Variants in SGCD observed in about 807,000 individuals in gnomAD.
SGCD encodes the protein delta-sarcoglycan.
SGCD carries 18 observed loss-of-function variants against 36.6 expected under a neutral mutation model. That is an observed-to-expected ratio of 0.49 (90% confidence interval 0.34 to 0.73). SGCD has a LOEUF of 0.73. Among genes scored for constraint, SGCD ranks in the 30% least tolerant of loss-of-function variants. The probability of loss-of-function intolerance (pLI) is 0.01; values close to 1 mark genes in which losing one functional copy is unlikely to be tolerated. For missense variants in SGCD, 387 were observed against 346.7 expected, an observed-to-expected ratio of 1.12 and a Z score of -0.92; for synonymous variants, 133 against 130.6, an observed-to-expected ratio of 1.02 and a Z score of -0.12.
chr5:156,528,842 C>G (rs949958428), intron 4 of SGCD, among the ~76,000 whole-genome samples: 2 of 152,126 alleles, frequency 1.3e-5, no homozygotes, highest in Non-Finnish European at 2.9e-5. Context: ...CATTTCCAGT[C>G]CTTCAAAGCT....
At chr5:156,065,375 A>T (rs1221602234) in intron 1 of SGCD, among the ~76,000 whole-genome samples, 19 of 122,908 alleles carry the variant, frequency 1.5e-4, no homozygotes, top group Non-Finnish European at 2.3e-4. Flanking sequence ...CAATTTTGGA[A>T]TAGGTGTGGT....
intron 3 of SGCD, among the ~76,000 whole-genome samples, chr5:156,241,878 G>C (rs1291918254): frequency 6.6e-6 from 1 of 152,108 alleles, no homozygotes; most frequent in African/African-American, 2.4e-5. Flanking sequence ...AAATCTAGTA[G>C]GTAGGACAGA....
the SGCD span, among the ~76,000 whole-genome samples, chr5:155,815,724 A>T: frequency 6.6e-6 from 1 of 152,264 alleles, no homozygotes; most frequent in African/African-American, 2.4e-5. Flanking sequence ...AGGTCTCATG[A>T]GAACTCACTC....
intron 3 of SGCD, among the ~76,000 whole-genome samples, chr5:156,146,033 GA>G (rs1205490709): frequency 4.6e-5 from 7 of 152,078 alleles, no homozygotes; most frequent in Admixed American, 2.6e-4. Context: ...CTAACATGGT[GA>G]AACCCCGTCA....
the SGCD span, among the ~76,000 whole-genome samples, chr5:155,811,550 A>C: frequency 1.3e-5 from 2 of 152,174 alleles, no homozygotes; most frequent in African/African-American, 4.8e-5. Flanking sequence ...GCATCCTCAG[A>C]ACACGAAAAA....
intron 3 of SGCD, among the ~76,000 whole-genome samples, chr5:156,271,272 C>T (rs992704552): frequency 6.6e-6 from 1 of 152,080 alleles, no homozygotes; most frequent in Non-Finnish European, 1.5e-5. Context: ...ATCTTAGATT[C>T]CATGGTCTTT....
chr5:156,074,303 G>C (rs190321547), intron 1 of SGCD, among the ~76,000 whole-genome samples: 218 of 152,184 alleles, frequency 1.4e-3, no homozygotes, highest in Non-Finnish European at 2.5e-3. Context: ...GGGTCAGATT[G>C]AAGGGAGCTG....
intron 3 of SGCD, among the ~76,000 whole-genome samples, chr5:156,293,990 T>C (rs1056366563): frequency 2.0e-5 from 3 of 152,194 alleles, no homozygotes; most frequent in African/African-American, 2.4e-5. Flanking sequence ...CATTTATTTA[T>C]GTCTTTTTAA....
At chr5:155,764,260 A>G in the SGCD span, among the ~76,000 whole-genome samples, 1 of 152,204 alleles carries the variant, frequency 6.6e-6, no homozygotes, top group East Asian at 1.9e-4. Flanking sequence ...AGGCCACTTT[A>G]AATAGCATAG....
chr5:156,070,053 A>G (rs1245110698), intron 1 of SGCD, among the ~76,000 whole-genome samples: 2 of 151,598 alleles, frequency 1.3e-5, no homozygotes, highest in Non-Finnish European at 2.9e-5. Flanking sequence ...GGTTTTCTAG[A>G]TATACAATCA....
chr5:155,968,800 G>A (rs537488208), intron 1 of SGCD, among the ~76,000 whole-genome samples: 13 of 152,012 alleles, frequency 8.6e-5, no homozygotes, highest in African/African-American at 2.4e-4. Flanking sequence ...TGTAGTCCCT[G>A]CTCTATAAAC....
At chr5:155,950,310 AAT>A (rs1196543753) in intron 1 of SGCD, among the ~76,000 whole-genome samples, 80 of 152,270 alleles carry the variant, frequency 5.3e-4, no homozygotes, top group African/African-American at 1.9e-3. Context: ...CTAGCCTAGA[AAT>A]AGTCAAGAGA....
At chr5:156,171,559 C>T (rs556524393) in intron 3 of SGCD, among the ~76,000 whole-genome samples, 3 of 152,196 alleles carry the variant, frequency 2.0e-5, no homozygotes, top group African/African-American at 4.8e-5. Context: ...CACATTGTTA[C>T]GGTAACATTT....
At chr5:156,339,696 A>G (rs758997946) in intron 2 of SGCD, among the ~76,000 whole-genome samples, 1 of 152,238 alleles carries the variant, frequency 6.6e-6, no homozygotes, top group Non-Finnish European at 1.5e-5. Flanking sequence ...CTAAAAGTAC[A>G]TACCATAACT....
At chr5:155,830,777 A>G in the SGCD span, among the ~76,000 whole-genome samples, 2 of 152,256 alleles carry the variant, frequency 1.3e-5, no homozygotes, top group African/African-American at 2.4e-5. Flanking sequence ...GTGGGAAGGC[A>G]TAGAGATTTC....
At position 156,406,018 on chromosome 5, in the gene SGCD, T is replaced by TAAAAAAAAAAAAAAAAAA. The variant is rs10529406; in HGVS notation, c.192+61357_192+61358insAAAAAAAAAAAAAAAAAA. 3.5e-4 allele frequency among the ~76,000 whole-genome samples: 36 copies of TAAAAAAAAAAAAAAAAAA among 103,954 alleles called. 2 individuals carry two copies. The highest frequency in any genetic ancestry group is 1.3e-3 in the African/African-American group (33 of 24,448). 68.2% of individuals were successfully genotyped at this position (103,954 alleles called of 152,430 possible). A position where few individuals can be genotyped will look rare whatever the true frequency, so the allele number is the denominator to read the frequency against. ...TGCTGTATTTGGCCCTATCTTTGCT[T>TAAAAAAAAAAAAAAAAAA]AAAAAAAAAAAAAAAAGGCCTCTGG... On this transcript the variant is annotated intron_variant, in intron 3 of 8. Coordinates refer to ENST00000337851, the MANE Select transcript of SGCD (RefSeq NM_000337.6).
Position 155,975,609 on chromosome 5 carries a change from C to CTTTTTTTTTTTTTTTTT in SGCD, c.-282+105206_-282+105222dup, listed in dbSNP as rs763067309. On this transcript the variant is annotated intron_variant, in intron 1 of 9. Coordinates refer to the SGCD transcript ENST00000517913. Reference sequence around the variant, plus strand: ...TGTGTTATTTATTTTTCTTTCTTTCCTTTTTTTTTTTTTTTTTTTTTTTTT... The same window carrying CTTTTTTTTTTTTTTTTT: ...TGTGTTATTTATTTTTCTTTCTTTCCTTTTTTTTTTTTTTTTTTTTTTTTTTTTTTTTTTTTTTTTTT... 2.9e-4 allele frequency among the ~76,000 whole-genome samples: 8 copies of CTTTTTTTTTTTTTTTTT among 28,006 alleles called. 4 individuals are homozygous for CTTTTTTTTTTTTTTTTT. The highest frequency in any genetic ancestry group is 5.3e-4 in the African/African-American group (4 of 7,608). The allele number at this position is 28,006 out of a possible 152,430, so 18.4% of individuals were successfully genotyped here.
At chr5:156,655,781 A>G (rs1179037833) in intron 7 of SGCD, among the ~76,000 whole-genome samples, 4 of 152,078 alleles carry the variant, frequency 2.6e-5, no homozygotes, top group Non-Finnish European at 5.9e-5. Context: ...ATCTTAAACT[A>G]TGAATATCTT....
chr5:156,375,801 G>C (rs906867892), intron 3 of SGCD, among the ~76,000 whole-genome samples: 1 of 151,978 alleles, frequency 6.6e-6, no homozygotes, highest in South Asian at 2.1e-4. Context: ...TGACTATAGC[G>C]CATCCTACTG....
Sources: allele counts gnomAD v4.1 joint callset (sites outside exome capture counted in the v4.1 genomes callset), GRCh38; gene constraint gnomAD v4.1.1; transcripts MANE v1.5; gene names NCBI Gene and HGNC (gene_info 2026-07-23, HGNC 2026-07-21).